Variants in SLC25A51 observed in about 807,000 individuals in gnomAD.
The protein encoded by SLC25A51 is solute carrier family 25 member 51.
A neutral mutation model predicts 19.1 loss-of-function variants in SLC25A51; 11 were observed. The ratio of observed to expected loss-of-function variants is 0.58; its 90% CI spans 0.36 to 0.96. The LOEUF is 0.96. SLC25A51 is among the 40% of genes least tolerant of loss of function. SLC25A51 has a pLI of 0.01. For synonymous variants in SLC25A51, 105 were observed against 133.6 expected, an observed-to-expected ratio of 0.79 and a Z score of 1.47; for missense variants, 201 against 365.4, an observed-to-expected ratio of 0.55 and a Z score of 3.67.
rs552891706 is a variant in SLC25A51, at chr9:37,903,132, C to T, written c.-165+936G>A. 2.0e-5 allele frequency among the ~76,000 whole-genome samples: 3 copies of T among 152,314 alleles called. No individual in the cohort carries two copies. The East Asian group carries it at 5.8e-4, about 29-fold the overall frequency. On this transcript the variant is annotated intron_variant, in intron 1 of 2. Coordinates refer to ENST00000242275, the MANE Select transcript of SLC25A51 (RefSeq NM_033412.4). ...AGATGCGCTAAGGGTGATTCCAGTT[C>T]CAAAGCGGTAACCTGTGCTCTAAAC...
chr9:37,902,129 G>T (rs1271742918), intron 1 of SLC25A51, among the ~76,000 whole-genome samples: 2 of 152,170 alleles, frequency 1.3e-5, no homozygotes, highest in Admixed American at 6.5e-5. Context: ...CCTACAAGCT[G>T]TTTACACATG....
chr9:37,892,803 G>A (rs979414140), intron 2 of SLC25A51, among the ~76,000 whole-genome samples: 2 of 151,574 alleles, frequency 1.3e-5, no homozygotes, highest in African/African-American at 2.4e-5. Context: ...GTAGTAGCAC[G>A]ATCTCAGCTC....
chr9:37,886,037 C>G (rs1261622599), downstream of SLC25A51: 15 of 1,613,090 alleles, frequency 9.3e-6, no homozygotes, highest in Middle Eastern at 5.1e-4. Context: ...CTATGCTGAC[C>G]TCTCCCTTAA....
chr9:37,903,436 C>A (rs1376444545), intron 1 of SLC25A51: 1 of 152,242 alleles, frequency 6.6e-6, no homozygotes, highest in Non-Finnish European at 1.5e-5. Context: ...CCAACACCAT[C>A]GTCCCCGAAA....
At chr9:37,892,604 T>C (rs556456071) in intron 2 of SLC25A51, among the ~76,000 whole-genome samples, 1 of 152,110 alleles carries the variant, frequency 6.6e-6, no homozygotes, top group South Asian at 2.1e-4. Context: ...AGACAGTGTC[T>C]CACTGTTGCC....
downstream of SLC25A51, chr9:37,885,905 G>C (rs76911493): frequency 2.6e-3 from 4,118 of 1,603,818 alleles, 11 homozygotes; most frequent in Non-Finnish European, 3.2e-3. Context: ...TATGGGCCCT[G>C]AGTATATCAA....
chr9:37,888,089 A>G lies in SLC25A51; in HGVS notation c.462T>C (p.Phe154=). Residue 154 remains phenylalanine (F), a synonymous_variant, in exon 3 of 3, where the codon TTT becomes TTC. Coordinates refer to ENST00000242275, the MANE Select transcript of SLC25A51 (RefSeq NM_033412.4). The stretch of plus-strand genomic sequence containing the variant: ...CCTTGAAAGCCTGGTAAGTGTTGGT[A>G]AATTTGTCATGATGCTTGTGGTCTT... ...LLQDHKHHDK[F]TNTYQAFKAL... 3 of 1,613,978 alleles carry G rather than the reference A, an allele frequency of 1.9e-6. No individual in the cohort carries two copies. Among genetic ancestry groups the G allele is most frequent in the Admixed American group, 1.7e-5 (1 of 60,016 alleles).
intron 2 of SLC25A51, among the ~76,000 whole-genome samples, chr9:37,896,224 C>A (rs1330826454): frequency 6.6e-6 from 1 of 152,182 alleles, no homozygotes; most frequent in Non-Finnish European, 1.5e-5. Flanking sequence ...TCAGTTGCAG[C>A]ATAATCTAAA....
chr9:37,887,965 G>C lies in SLC25A51; in HGVS notation c.586C>G (p.Pro196Ala). 1 of 1,611,998 alleles carries C rather than the reference G, an allele frequency of 6.2e-7. No individual in the cohort carries two copies. Among genetic ancestry groups the C allele is most frequent in the Non-Finnish European group, 8.5e-7 (1 of 1,179,860 alleles). Reference sequence around the variant, plus strand: ...GCGGTAGGCAGATGCTCCTTAATGGGACCTCGAAGGCCGAAAAACAAGACA... The same window carrying C: ...GCGGTAGGCAGATGCTCCTTAATGGCACCTCGAAGGCCGAAAAACAAGACA... ...SNVLFFGLRG[P>A]IKEHLPTATT... Residue 196 changes from proline (P) to alanine (A), a missense_variant, in exon 3 of 3, where the codon CCC (proline) becomes GCC (alanine). By Grantham distance (27) the Pro-to-Ala change is conservative. Transcript: ENST00000242275.
intron 2 of SLC25A51, among the ~76,000 whole-genome samples, chr9:37,899,428 C>T (rs547073799): frequency 6.6e-6 from 1 of 152,070 alleles, no homozygotes; most frequent in South Asian, 2.1e-4. Flanking sequence ...GTCACCCAGG[C>T]TGGAGTGCAG....
At chr9:37,898,996 C>T (rs1057223650) in intron 2 of SLC25A51, among the ~76,000 whole-genome samples, 11 of 152,194 alleles carry the variant, frequency 7.2e-5, no homozygotes, top group Non-Finnish European at 1.5e-4. Flanking sequence ...TAATTACCTA[C>T]TTAAATCCTA....
At chr9:37,887,054 C>T (rs183442160), downstream of SLC25A51, among the ~76,000 whole-genome samples, 2 of 152,116 alleles carry the variant, frequency 1.3e-5, no homozygotes, top group African/African-American at 4.8e-5. Context: ...CAGTGGCTCA[C>T]GCCTATAATC....
At chr9:37,892,571 T>A (rs1007856337) in intron 2 of SLC25A51, among the ~76,000 whole-genome samples, 20 of 151,624 alleles carry the variant, frequency 1.3e-4, no homozygotes, top group South Asian at 2.1e-4. Context: ...ATATATATAT[T>A]TTTTTCTTTT....
At chr9:37,899,189 T>C (rs1831788908) in intron 2 of SLC25A51, among the ~76,000 whole-genome samples, 1 of 152,258 alleles carries the variant, frequency 6.6e-6, no homozygotes. Context: ...TATTTTATTA[T>C]TCTTTTCTAT....
rs781058130 is a variant in SLC25A51, at chr9:37,888,309, T to C, written c.242A>G (p.Tyr81Cys). The change falls in exon 3 of 3, where the codon TAT becomes TGT. Residue 81 changes from tyrosine to cysteine, a missense_variant. By Grantham distance (194) the Tyr-to-Cys change is radical. Coordinates refer to ENST00000242275, the MANE Select transcript of SLC25A51 (RefSeq NM_033412.4). ...CATCAATGGGGGAAGGATTCCACGA[T>C]ACAAATTTCGAAATCCATCCCTTCT... ...QLRRDGFRNL[Y>C]RGILPPLMQK... is the part of the protein sequence containing the mutation. 1.2e-6 allele frequency: 2 copies of C among 1,614,250 alleles called. No homozygotes were observed. The highest frequency in any genetic ancestry group is 1.7e-6 in the Non-Finnish European group (2 of 1,180,042).
chr9:37,885,856 T>C (rs954292733), downstream of SLC25A51: 5 of 1,596,148 alleles, frequency 3.1e-6, no homozygotes, highest in African/African-American at 5.4e-5. Flanking sequence ...ACACTCTGCA[T>C]AGTGTTCCTG....
chr9:37,885,974 A>C, downstream of SLC25A51: 1 of 1,613,678 alleles, frequency 6.2e-7, no homozygotes, highest in African/African-American at 1.3e-5. Context: ...GGTCACTTGG[A>C]TTGTGGAGTT....
chr9:37,885,712 G>C, downstream of SLC25A51: 2 of 1,409,084 alleles, frequency 1.4e-6, no homozygotes, highest in Admixed American at 3.3e-5. Flanking sequence ...ATGTTTCTCA[G>C]TGCCATTGTG....
chr9:37,903,666 C>T (rs1344659135), intron 1 of SLC25A51: 2 of 152,354 alleles, frequency 1.3e-5, no homozygotes, highest in Admixed American at 1.3e-4. Flanking sequence ...TCTCCCGGGA[C>T]GCAGAGGCCC....
Sources: allele counts gnomAD v4.1 joint callset (sites outside exome capture counted in the v4.1 genomes callset), GRCh38; gene constraint gnomAD v4.1.1; transcripts MANE v1.5; gene names NCBI Gene and HGNC (gene_info 2026-07-23, HGNC 2026-07-21).